Variants in ENPP3 observed in about 807,000 individuals in gnomAD.
ENPP3 encodes the protein ectonucleotide pyrophosphatase/phosphodiesterase family member 3.
Under a neutral mutation model 117.8 loss-of-function variants are expected in ENPP3, and 104 were observed. The observed-to-expected ratio is 0.88, with a 90% CI of 0.75 to 1.04. The LOEUF (loss-of-function observed/expected upper bound fraction) is 1.04, where lower values mean the gene tolerates loss of function less well. ENPP3 is among the 50% of genes least tolerant of loss of function. ENPP3 has a pLI of 0.00. For missense variants in ENPP3, 1,026 were observed against 1,051.9 expected (o/e 0.98, Z 0.34); for synonymous variants, 380 against 349.9 (o/e 1.09, Z -0.96).
chr6:131,651,658 G>A (rs538944214), intron 3 of ENPP3, among the ~76,000 whole-genome samples: 2 of 152,316 alleles, frequency 1.3e-5, no homozygotes, highest in Admixed American at 6.5e-5. Flanking sequence ...ATCTGGGAAG[G>A]TGGTGGTGGG....
chr6:131,652,840 C>T lies in ENPP3; in HGVS notation c.413C>T (p.Ser138Leu), dbSNP rs1778293453. The T allele has an allele frequency of 1.9e-6, 3 of 1,613,176 alleles. No homozygotes were observed. Among genetic ancestry groups the T allele is most frequent in the African/African-American group, 1.3e-5 (1 of 74,908 alleles). The change falls in exon 5 of 25, where the codon TCA becomes TTA. Residue 138 changes from serine (S) to leucine (L), a missense_variant. Ser to Leu is a moderately radical substitution (Grantham distance 145). Coordinates refer to ENST00000357639, the MANE Select transcript of ENPP3 (RefSeq NM_005021.5). ...DYKSVCQGET[S>L]WLEENCDTAQ... ...ATCTTATGCTTTTCAGGAGAAACCTCATGGCTGGAAGAAAACTGTGACACA... is the reference window on the plus strand; with the variant it reads ...ATCTTATGCTTTTCAGGAGAAACCTTATGGCTGGAAGAAAACTGTGACACA...
At chr6:131,686,005 C>A (rs1779146543) in intron 14 of ENPP3, 98 bp downstream of exon 14, 3 of 489,068 alleles carry the variant, frequency 6.1e-6, no homozygotes, top group Non-Finnish European at 1.1e-5. Context: ...TAAATCTAAG[C>A]TACTTGGAAT....
chr6:131,639,929 C>G (rs1180936406), intron 1 of ENPP3, among the ~76,000 whole-genome samples: 2 of 151,990 alleles, frequency 1.3e-5, no homozygotes, highest in Non-Finnish European at 2.9e-5. Context: ...GAGTTCCATA[C>G]CAGCCTGGTC....
chr6:131,709,778 C>G, intron 15 of ENPP3: 2 of 1,613,820 alleles, frequency 1.2e-6, no homozygotes, highest in Non-Finnish European at 1.7e-6. Context: ...GAAAGCTTCT[C>G]TTCTTCCTCT....
At chr6:131,734,960 A>G (rs74881909) in intron 21 of ENPP3, among the ~76,000 whole-genome samples, 6,828 of 151,976 alleles carry the variant, frequency 0.045, 492 homozygotes, top group African/African-American at 0.15. Context: ...TGTGTATAAA[A>G]TTGTATCTGT....
chr6:131,724,226 T>TAAAAAAAAAAACAA, intron 19 of ENPP3, 135 bp downstream of exon 19: 1 of 416,524 alleles, frequency 2.4e-6, no homozygotes, highest in Non-Finnish European at 3.9e-6. Flanking sequence ...ATACAAAAGG[T>TAAAAAAAAAAACAA]AAAAAAAAAA....
chr6:131,700,222 G>T, intron 15 of ENPP3: 3 of 137,300 alleles, frequency 2.2e-5, no homozygotes, highest in Non-Finnish European at 3.5e-5. Context: ...GATATTGTAA[G>T]GGGTATTGTC....
intron 2 of ENPP3, among the ~76,000 whole-genome samples, chr6:131,643,917 G>T (rs1408919195): frequency 6.7e-6 from 1 of 148,868 alleles, no homozygotes; most frequent in African/African-American, 2.5e-5. Context: ...AAGGAATCAG[G>T]GTCGTCTGTG....
In ENPP3 at chr6:131,723,888, T is replaced by G. The variant is rs1290437587; in HGVS notation, c.1747-152T>G. On this transcript the variant is annotated intron_variant, in intron 18 of 24. Transcript: ENST00000357639. ...GCAGTAGTGTCTCTATATTTCTGAATAGTGGCAGAATCAGAATCTTAAGTT... is the reference window on the plus strand; with the variant it reads ...GCAGTAGTGTCTCTATATTTCTGAAGAGTGGCAGAATCAGAATCTTAAGTT... 4.9e-6 allele frequency: 3 copies of G among 617,952 alleles called. No homozygotes were observed. The African/African-American group carries it at 5.6e-5, about 12-fold the overall frequency. 38.3% of individuals were successfully genotyped at this position (617,952 alleles called of 1,614,324 possible). A position where few individuals can be genotyped will look rare whatever the true frequency, so the allele number is the denominator to read the frequency against.
chr6:131,659,440 A>G (rs921763673), intron 6 of ENPP3, among the ~76,000 whole-genome samples: 28 of 152,218 alleles, frequency 1.8e-4, no homozygotes, highest in African/African-American at 6.3e-4. Flanking sequence ...AGGCTGTTTT[A>G]TATCCCTAAA....
At chr6:131,685,800 A>G in intron 13 of ENPP3, 76 bp from the exon 14 acceptor site, 1 of 696,920 alleles carries the variant, frequency 1.4e-6, no homozygotes, top group Non-Finnish European at 2.6e-6. Context: ...TATCAAATTC[A>G]CCTGAGTGGT....
intron 5 of ENPP3, among the ~76,000 whole-genome samples, chr6:131,653,618 G>T (rs1186500395): frequency 2.0e-5 from 3 of 152,168 alleles, no homozygotes; most frequent in South Asian, 4.1e-4. Flanking sequence ...GTCTCGCAAT[G>T]TTGGCTAGGT....
chr6:131,649,950 C>T, intron 2 of ENPP3, 77 bp from the exon 3 acceptor site: 1 of 1,501,086 alleles, frequency 6.7e-7, no homozygotes, highest in Admixed American at 1.7e-5. Context: ...TGTGTACTTC[C>T]TGTGTGCTTC....
At chr6:131,639,758 A>C (rs12663047) in intron 1 of ENPP3, among the ~76,000 whole-genome samples, 1 of 152,014 alleles carries the variant, frequency 6.6e-6, no homozygotes, top group African/African-American at 2.4e-5. Context: ...ATAGTTTAAG[A>C]TACATGTGCA....
Position 131,747,078 on chromosome 6 carries a change from C to A in ENPP3, c.*122C>A. ...TATTTTTCCTTAAGTCCCCTAAAAGCCATAATTTTTATTATTCCTTTTTCT... is the reference window on the plus strand; with the variant it reads ...TATTTTTCCTTAAGTCCCCTAAAAGACATAATTTTTATTATTCCTTTTTCT... On this transcript the variant is annotated 3_prime_UTR_variant, in exon 25 of 25. Transcript: ENST00000357639. 4.0e-6 allele frequency: 2 copies of A among 497,620 alleles called. No individual in the cohort carries two copies. The highest frequency in any genetic ancestry group is 3.4e-6 in the Non-Finnish European group (1 of 291,084). 30.8% of individuals were successfully genotyped at this position (497,620 alleles called of 1,614,324 possible).
At chr6:131,721,034 A>G (rs1780008055) in intron 17 of ENPP3, among the ~76,000 whole-genome samples, 1 of 152,216 alleles carries the variant, frequency 6.6e-6, no homozygotes, top group African/African-American at 2.4e-5. Context: ...ATTTTCTTGT[A>G]ATTACAGAGA....
chr6:131,705,532 G>A (rs1779621304), intron 15 of ENPP3, among the ~76,000 whole-genome samples: 1 of 151,684 alleles, frequency 6.6e-6, no homozygotes. Flanking sequence ...AATTTAAGGA[G>A]GTTTGTAAAA....
At chr6:131,741,281 A>G (rs944012163) in intron 24 of ENPP3, among the ~76,000 whole-genome samples, 27 of 152,202 alleles carry the variant, frequency 1.8e-4, no homozygotes, top group Non-Finnish European at 3.4e-4. Flanking sequence ...TTTAGAATGC[A>G]CAAAGGAGGA....
At chr6:131,733,274 A>C (rs1430713773) in intron 20 of ENPP3, among the ~76,000 whole-genome samples, 1 of 152,128 alleles carries the variant, frequency 6.6e-6, no homozygotes, top group African/African-American at 2.4e-5. Context: ...CACCACATAA[A>C]AGTTAGATCT....
Sources: gnomAD v4.1 joint callset for allele counts (sites outside exome capture counted in the v4.1 genomes callset) on GRCh38, gnomAD v4.1.1 for gene constraint, MANE v1.5 for transcripts, NCBI Gene and HGNC (gene_info 2026-07-23, HGNC 2026-07-21) for gene names.